The following CYP46A1 variants were observed in gnomAD, a reference collection of about 807,000 sequenced individuals.
CYP46A1 encodes the protein cytochrome P450 family 46 subfamily A member 1.
Under a neutral mutation model 63.3 loss-of-function variants are expected in CYP46A1, and 20 were observed. That is an observed-to-expected ratio of 0.32 (90% CI 0.22 to 0.46). The LOEUF (loss-of-function observed/expected upper bound fraction) is 0.46, where lower values mean the gene tolerates loss of function less well. Ranked by LOEUF, CYP46A1 falls within the 20% of genes least tolerant of loss-of-function variation. The pLI is 1.00. For missense variants in CYP46A1, 445 were observed against 670.8 expected (o/e 0.66, Z 3.72); for synonymous variants, 268 against 273.6 (o/e 0.98, Z 0.20).
intron 1 of CYP46A1, 81 bp downstream of exon 1, chr14:99,684,617 CG>C (rs1419237503): frequency 3.2e-6 from 4 of 1,266,974 alleles, no homozygotes; most frequent in Non-Finnish European, 4.3e-6. Context: ...GCGTCCAGGC[CG>C]GGGGTCCGGC....
chr14:99,692,826 T>G (rs2056555272), intron 3 of CYP46A1, among the ~76,000 whole-genome samples: 1 of 150,110 alleles, frequency 6.7e-6, no homozygotes, highest in South Asian at 2.1e-4. Flanking sequence ...TGAGACTCCA[T>G]CTCCAAAAAA....
Position 99,722,801 on chromosome 14 carries a change from T to TCAGGTGACAGGCATTTGAGAGGTGTC in CYP46A1, c.1176+739_1176+764dup. The TCAGGTGACAGGCATTTGAGAGGTGTC allele has an allele frequency of 2.5e-6, 1 of 399,924 alleles. No individual in the cohort carries two copies. The highest frequency in any genetic ancestry group is 2.5e-5 in the Admixed American group (1 of 39,486). The allele number at this position is 399,924 out of a possible 1,614,324, so 24.8% of individuals were successfully genotyped here. A position where few individuals can be genotyped will look rare whatever the true frequency, so the allele number is the denominator to read the frequency against. On this transcript the variant is annotated intron_variant, in intron 12 of 14. Transcript: ENST00000261835. This position sits in a 1 kb window ranked among gnomAD's most constrained non-coding sequence, Gnocchi z 4.6. ...GACAACCACCATCGCTGATCAGTTC[T>TCAGGTGACAGGCATTTGAGAGGTGTC]CAGGTGACAGGCATTTGAGAGGTGT...
chr14:99,697,131 G>A (rs2056593585), intron 3 of CYP46A1, among the ~76,000 whole-genome samples: 2 of 152,232 alleles, frequency 1.3e-5, no homozygotes, highest in South Asian at 2.1e-4. Context: ...TTCCCCAGAA[G>A]TTGTTTTGGC....
At position 99,721,189 on chromosome 14, in the gene CYP46A1, C is replaced by T. The variant is rs114628041; in HGVS notation, c.981-50C>T. 3,501 of 1,396,672 alleles carry T rather than the reference C, an allele frequency of 2.5e-3. 53 individuals carry two copies. In the African/African-American group the frequency reaches 0.042, roughly 17 times the overall value. 86.5% of individuals were successfully genotyped at this position (1,396,672 alleles called of 1,614,324 possible). A position where few individuals can be genotyped will look rare whatever the true frequency, so the allele number is the denominator to read the frequency against. On this transcript the variant is annotated intron_variant, in intron 10 of 14. Coordinates refer to ENST00000261835, the MANE Select transcript of CYP46A1 (RefSeq NM_006668.2). ...GCCCCCTTCTTAAAGCTAAGTAAGT[C>T]GGGGACAGGCTCCCTTTGGAGACGA...
chr14:99,706,520 C>G (rs1392694408), intron 5 of CYP46A1, 127 bp from the exon 6 acceptor site: 15 of 1,286,014 alleles, frequency 1.2e-5, no homozygotes, highest in Non-Finnish European at 1.5e-5. Flanking sequence ...AAGGGGAGGC[C>G]AGAAAGACTG....
intron 5 of CYP46A1, among the ~76,000 whole-genome samples, chr14:99,702,582 A>G (rs2056641271): frequency 6.6e-6 from 1 of 151,856 alleles, no homozygotes. Flanking sequence ...AGGGACTCTT[A>G]TATATCTTTT....
chr14:99,684,417 C>T lies in CYP46A1; in HGVS notation c.-1C>T. 1 of 1,455,530 alleles carries T rather than the reference C, an allele frequency of 6.9e-7. No individual in the cohort carries two copies. Among genetic ancestry groups the T allele is most frequent in the South Asian group, 1.3e-5 (1 of 76,680 alleles). 90.2% of individuals were successfully genotyped at this position (1,455,530 alleles called of 1,614,324 possible). On this transcript the variant is annotated 5_prime_UTR_variant, in exon 1 of 15. Coordinates refer to ENST00000261835, the MANE Select transcript of CYP46A1 (RefSeq NM_006668.2). ...GGCCTGGCCTGCCCTGCCCCGGAGCCATGAGCCCCGGGCTGCTGCTGCTCG... is the reference window on the plus strand; with the variant it reads ...GGCCTGGCCTGCCCTGCCCCGGAGCTATGAGCCCCGGGCTGCTGCTGCTCG...
rs568440654 is a variant in CYP46A1 at position 99,717,883 on chromosome 14, C to G, written c.908-171C>G. On this transcript the variant is annotated intron_variant, in intron 9 of 14. Coordinates refer to ENST00000261835, the MANE Select transcript of CYP46A1 (RefSeq NM_006668.2). ...TCTCCAAAATGGAGGTGAGCACCTC[C>G]CCGGGCCAAGTGAGACCTAGACGAT... The G allele has an allele frequency of 1.1e-5, 6 of 543,628 alleles. No individual in the cohort carries two copies. The East Asian group carries it at 1.8e-4, about 17-fold the overall frequency. 33.7% of individuals were successfully genotyped at this position (543,628 alleles called of 1,614,324 possible). A position where few individuals can be genotyped will look rare whatever the true frequency, so the allele number is the denominator to read the frequency against.
intron 1 of CYP46A1, among the ~76,000 whole-genome samples, chr14:99,688,153 C>A: frequency 6.6e-6 from 1 of 152,102 alleles, no homozygotes; most frequent in East Asian, 1.9e-4. Flanking sequence ...AAACTGAGAA[C>A]ATTCCCCCAG....
At chr14:99,720,750 T>C (rs1370001964) in intron 10 of CYP46A1, among the ~76,000 whole-genome samples, 2 of 151,508 alleles carry the variant, frequency 1.3e-5, no homozygotes, top group Admixed American at 1.3e-4. Flanking sequence ...TTCCCAGTGG[T>C]TTGGGCACTG....
At chr14:99,717,245 G>A (rs1247381286) in intron 9 of CYP46A1, among the ~76,000 whole-genome samples, 3 of 152,136 alleles carry the variant, frequency 2.0e-5, no homozygotes, top group African/African-American at 7.2e-5. Flanking sequence ...TCCAGAGAGG[G>A]TTTATTAATC....
chr14:99,721,164 GC>G (rs2056842944), intron 10 of CYP46A1, 74 bp from the exon 11 acceptor site: 2 of 1,023,666 alleles, frequency 2.0e-6, no homozygotes, highest in Non-Finnish European at 3.1e-6. Context: ...TCCTTCCAGT[GC>G]CCCCTTCTTA....
rs993512686 is a variant in CYP46A1, at chr14:99,684,398, G to GCCTGC, written c.-12_-8dup. ...CGGCGCCCGGCCCGACCCTGGCCTG[G>GCCTGC]CCTGCCCTGCCCCGGAGCCATGAGC... is the stretch of plus-strand genomic sequence containing the variant. On this transcript the variant is annotated 5_prime_UTR_variant, in exon 1 of 15. Coordinates refer to ENST00000261835, the MANE Select transcript of CYP46A1 (RefSeq NM_006668.2). 66 of 1,427,292 alleles carry GCCTGC rather than the reference G, an allele frequency of 4.6e-5. No individual in the cohort carries two copies. The East Asian group carries it at 5.1e-4, about 11-fold the overall frequency. 88.4% of individuals were successfully genotyped at this position (1,427,292 alleles called of 1,614,324 possible).
rs1485611714 is a variant in CYP46A1 at position 99,722,302 on chromosome 14, A to G, written c.1176+236A>G. ...ATTCTGGAAGGGAGGTGCCCCATTT[A>G]CAGCTGAGGACACTGAGGTTCAGAG... On this transcript the variant is annotated intron_variant, in intron 12 of 14. Transcript: ENST00000261835. This position sits in a 1 kb window ranked among gnomAD's most constrained non-coding sequence, Gnocchi z 4.6. Among the ~76,000 whole-genome samples, 1 of 152,104 alleles carries G rather than the reference A, an allele frequency of 6.6e-6. No individual in the cohort carries two copies. The highest frequency in any genetic ancestry group is 1.5e-5 in the Non-Finnish European group (1 of 68,014).
intron 10 of CYP46A1, 82 bp downstream of exon 10, chr14:99,718,208 G>T (rs995287307): frequency 3.3e-6 from 4 of 1,221,052 alleles, no homozygotes; most frequent in Non-Finnish European, 3.6e-6. Context: ...ACCTCCCATG[G>T]TTGAGTCCCC....
At chr14:99,705,818 G>C (rs369098068) in intron 5 of CYP46A1, among the ~76,000 whole-genome samples, 1 of 152,178 alleles carries the variant, frequency 6.6e-6, no homozygotes, top group African/African-American at 2.4e-5. Context: ...CCAGCTACTC[G>C]GGAGCCTGAG....
rs2056904901 is a variant in CYP46A1, at chr14:99,726,714, C to G, written c.1490C>G (p.Pro497Arg). 1 of 1,532,444 alleles carries G rather than the reference C, an allele frequency of 6.5e-7. No homozygotes were observed. The highest frequency in any genetic ancestry group is 1.4e-5 in the African/African-American group (1 of 72,586). The allele number at this position is 1,532,444 out of a possible 1,614,324, so 94.9% of individuals were successfully genotyped here. A position where few individuals can be genotyped will look rare whatever the true frequency, so the allele number is the denominator to read the frequency against. The change falls in exon 15 of 15, where the codon CCA becomes CGA. Residue 497 changes from proline (P) to arginine (R), a missense_variant. Physicochemically the swap from Pro to Arg is moderately radical, Grantham distance 103. Around this residue, in one of 4 missense-constraint regions of CYP46A1, gnomAD observed 85 missense variants for 80.1 expected, o/e 1.06. Coordinates refer to ENST00000261835, the MANE Select transcript of CYP46A1 (RefSeq NM_006668.2). ...CGCGGCTGGCAGCCCGCACCCCCAC[C>G]ACCCCCCTGCTGAGGGGGCCTCCAG... ...RPRGWQPAPP[P>R]PPC
At chr14:99,723,023 G>C in intron 12 of CYP46A1, 1 of 389,738 alleles carries the variant, frequency 2.6e-6, no homozygotes, top group Non-Finnish European at 5.4e-6. Context: ...ATGCCCAGTA[G>C]TGGTGAGAGA....
At chr14:99,717,391 A>G (rs372044622) in intron 9 of CYP46A1, among the ~76,000 whole-genome samples, 1 of 152,026 alleles carries the variant, frequency 6.6e-6, no homozygotes, top group East Asian at 1.9e-4. Flanking sequence ...GTGGCCTCCT[A>G]TAGTCACAGC....
Sources: gnomAD v4.1 joint callset for allele counts (sites outside exome capture counted in the v4.1 genomes callset) on GRCh38, gnomAD v4.1.1 for gene constraint, gnomAD v4.1.1 regional missense constraint, Gnocchi (gnomAD v3.1) non-coding constraint, MANE v1.5 for transcripts, NCBI Gene and HGNC (gene_info 2026-07-23, HGNC 2026-07-21) for gene names.